The following CALD1 variants were observed in gnomAD, a reference collection of about 807,000 sequenced individuals.
CALD1 encodes caldesmon 1.
In CALD1, 33 loss-of-function variants were observed where a neutral mutation model predicts 99.9. The ratio of observed to expected loss-of-function variants is 0.33; its 90% CI spans 0.25 to 0.44. The LOEUF is 0.44. Among genes scored for constraint, CALD1 ranks in the 20% least tolerant of loss-of-function variants. CALD1 has a pLI of 1.00. For synonymous variants in CALD1, 310 were observed against 325.0 expected (o/e 0.95, Z 0.50); for missense variants, 861 against 962.1 (o/e 0.89, Z 1.39).
chr7:134,730,506 C>G, the CALD1 span, among the ~76,000 whole-genome samples: 2 of 152,136 alleles, frequency 1.3e-5, no homozygotes, highest in Non-Finnish European at 2.9e-5. Flanking sequence ...AAGCACCACA[C>G]TGTGGTGCAA....
chr7:134,741,061 C>T (rs999452689), upstream of CALD1, among the ~76,000 whole-genome samples: 7 of 152,158 alleles, frequency 4.6e-5, no homozygotes. Flanking sequence ...GTCATTTGGA[C>T]TCTAGGACTG....
At chr7:134,830,711 C>A (rs902337229) in intron 1 of CALD1, among the ~76,000 whole-genome samples, 3 of 152,170 alleles carry the variant, frequency 2.0e-5, no homozygotes, top group Non-Finnish European at 4.4e-5. Context: ...TGGCCACCAA[C>A]TCCATCCATG....
intron 3 of CALD1, among the ~76,000 whole-genome samples, chr7:134,925,652 C>T (rs2132863543): frequency 6.6e-6 from 1 of 152,252 alleles, no homozygotes; most frequent in South Asian, 2.1e-4. Flanking sequence ...AGAGAATTCA[C>T]TCACTGTCAC....
intron 2 of CALD1, among the ~76,000 whole-genome samples, chr7:134,854,976 AC>A (rs1800237076): frequency 6.6e-6 from 1 of 151,058 alleles, no homozygotes; most frequent in Non-Finnish European, 1.5e-5. Flanking sequence ...AGTGTGCAGC[AC>A]CTCCCCCACT....
chr7:134,719,923 G>A, the CALD1 span, among the ~76,000 whole-genome samples: 1 of 152,158 alleles, frequency 6.6e-6, no homozygotes, highest in African/African-American at 2.4e-5. Flanking sequence ...CGCAGTGAGT[G>A]TTTGTTTTCT....
At chr7:134,952,037 A>T (rs12667110) in intron 9 of CALD1, among the ~76,000 whole-genome samples, 47,678 of 152,078 alleles carry the variant, frequency 0.31, 8,027 homozygotes, top group Non-Finnish European at 0.39. Context: ...ACAGTGGCTC[A>T]CACCTGTGAT....
chr7:134,967,901 T>TG lies in CALD1; in HGVS notation c.2377-436dup, dbSNP rs1808793141. ...GCTCACACCTGTAATTCCAACACTT[T>TG]GGGAGGCCGAGGCAGGCAGATCACT... On this transcript the variant is annotated intron_variant, in intron 14 of 14. Transcript: ENST00000361675. Among the ~76,000 whole-genome samples the TG allele has an allele frequency of 2.0e-5, 3 of 152,288 alleles. No individual in the cohort carries two copies. The South Asian group carries it at 6.2e-4, about 32-fold the overall frequency.
intron 1 of CALD1, among the ~76,000 whole-genome samples, chr7:134,765,735 G>T (rs560489349): frequency 2.6e-5 from 4 of 152,202 alleles, no homozygotes; most frequent in Non-Finnish European, 5.9e-5. Context: ...GAATGGTTTA[G>T]CACCATCTTC....
chr7:134,802,656 G>A (rs1797990858), intron 1 of CALD1, among the ~76,000 whole-genome samples: 1 of 152,184 alleles, frequency 6.6e-6, no homozygotes, highest in Non-Finnish European at 1.5e-5. Context: ...TACCTTAAAT[G>A]TGCTCAGAGC....
intron 1 of CALD1, among the ~76,000 whole-genome samples, chr7:134,816,180 T>C (rs1798554923): frequency 6.6e-6 from 1 of 152,212 alleles, no homozygotes; most frequent in Admixed American, 6.5e-5. Flanking sequence ...TGCACAAATA[T>C]GGACTATAGG....
intron 3 of CALD1, among the ~76,000 whole-genome samples, chr7:134,909,841 G>T (rs1803672047): frequency 1.3e-5 from 2 of 152,110 alleles, no homozygotes; most frequent in South Asian, 2.1e-4. Flanking sequence ...AGTTGAGGAA[G>T]AAACCCAATA....
chr7:134,714,729 G>A, the CALD1 span, among the ~76,000 whole-genome samples: 49 of 152,322 alleles, frequency 3.2e-4, 1 homozygote, highest in African/African-American at 1.1e-3. Flanking sequence ...TGCAAATTAA[G>A]GGATAGGTCA....
chr7:134,903,123 G>C (rs1033929228), intron 3 of CALD1, among the ~76,000 whole-genome samples: 1 of 152,114 alleles, frequency 6.6e-6, no homozygotes, highest in African/African-American at 2.4e-5. Context: ...CAACACTATG[G>C]AGACAGTAAA....
At chr7:134,887,835 T>G (rs1801948471) in intron 3 of CALD1, among the ~76,000 whole-genome samples, 1 of 151,704 alleles carries the variant, frequency 6.6e-6, no homozygotes, top group African/African-American at 2.4e-5. Flanking sequence ...TATGCATGCA[T>G]TCGTGTATGT....
chr7:134,913,391 A>G (rs1803965972), intron 3 of CALD1, among the ~76,000 whole-genome samples: 2 of 152,222 alleles, frequency 1.3e-5, no homozygotes, highest in African/African-American at 4.8e-5. Flanking sequence ...TTCAAAAATA[A>G]TTAAAGTTTT....
intron 2 of CALD1, among the ~76,000 whole-genome samples, chr7:134,863,343 T>G (rs911979330): frequency 1.3e-5 from 2 of 152,276 alleles, no homozygotes; most frequent in Non-Finnish European, 1.5e-5. Context: ...CTGCATTAAC[T>G]TATTCAGTGC....
chr7:134,775,187 CTTT>C (rs1186540900), upstream of CALD1, among the ~76,000 whole-genome samples: 1 of 152,072 alleles, frequency 6.6e-6, no homozygotes, highest in Non-Finnish European at 1.5e-5. Flanking sequence ...CCCTTTTCTT[CTTT>C]ATTTGTAATA....
chr7:134,810,524 G>A (rs1585999280), intron 1 of CALD1, among the ~76,000 whole-genome samples: 1 of 152,184 alleles, frequency 6.6e-6, no homozygotes, highest in South Asian at 2.1e-4. Flanking sequence ...TGTCCCCTGT[G>A]TGATGGCTCC....
chr7:134,738,151 T>A, the CALD1 span, among the ~76,000 whole-genome samples: 1 of 152,168 alleles, frequency 6.6e-6, no homozygotes, highest in Non-Finnish European at 1.5e-5. Context: ...CTCAATGCTT[T>A]ATCTCCTGTG....
Sources: allele counts gnomAD v4.1 joint callset (sites outside exome capture counted in the v4.1 genomes callset), GRCh38; gene constraint gnomAD v4.1.1; transcripts MANE v1.5; gene names NCBI Gene and HGNC (gene_info 2026-07-23, HGNC 2026-07-21).